TMEM176B: variants seen among roughly 807,000 people sequenced by gnomAD.
TMEM176B encodes the protein LR8-like protein.
TMEM176B carries 28 observed loss-of-function variants against 30.3 expected under a neutral mutation model. That is an observed-to-expected ratio of 0.92 (90% CI 0.68 to 1.27). The LOEUF (loss-of-function observed/expected upper bound fraction) is 1.27. TMEM176B is among the 50% of genes most tolerant of loss of function. TMEM176B has a pLI of 0.00. For synonymous variants in TMEM176B, 123 were observed against 130.3 expected (o/e 0.94, Z 0.38); for missense variants, 349 against 327.4 (o/e 1.07, Z -0.51).
Position 150,796,344 on chromosome 7 carries a change from C to A in TMEM176B, c.204+22G>T, listed in dbSNP as rs759471242. 5 of 1,611,114 alleles carry A rather than the reference C, an allele frequency of 3.1e-6. No homozygotes were observed. In the East Asian group the frequency reaches 1.1e-4, roughly 36 times the overall value. ...ATCACCTCGTTAACGTGCCCCCCAA[C>A]CCCGCACCACCCCAGTCTTACCCCT... On this transcript the variant is annotated intron_variant, in intron 2 of 6. Coordinates refer to ENST00000326442, the MANE Select transcript of TMEM176B (RefSeq NM_001101312.2).
chr7:150,794,946 CACCT>C (rs1354153715), intron 2 of TMEM176B, among the ~76,000 whole-genome samples: 1 of 131,858 alleles, frequency 7.6e-6, no homozygotes, highest in Non-Finnish European at 1.7e-5. Context: ...CACACACACA[CACCT>C]CTCGAATGGC....
rs766360661 is a variant in TMEM176B, at chr7:150,794,044, T to A, written c.232A>T (p.Ser78Cys). Residue 78 changes from serine (S) to cysteine (C), a missense_variant, in exon 3 of 7, where the codon AGT becomes TGT. Coordinates refer to ENST00000326442, the MANE Select transcript of TMEM176B (RefSeq NM_001101312.2). ...GVTQILLGVVSCVLGVCLSLG... is the reference protein window; with the variant it reads ...GVTQILLGVVCCVLGVCLSLG... The stretch of plus-strand genomic sequence containing the variant: ...CTGAGACACACTCCAAGAACACAAC[T>A]CACAACCCCCAGCAATATCTGAGTC... The A allele has an allele frequency of 1.2e-6, 2 of 1,613,578 alleles. No homozygotes were observed.
Position 150,796,523 on chromosome 7 carries a change from C to T in TMEM176B, c.47G>A (p.Arg16Lys). Reference protein sequence around the residue: ...VIVNGVAMASRPSQPTHVNVH... With the variant: ...VIVNGVAMASKPSQPTHVNVH... The stretch of plus-strand genomic sequence containing the variant: ...GTTGACGTGGGTGGGCTGGGATGGC[C>T]TAGAGGCCATAGCAACTCCATTCAC... The change falls in exon 2 of 7, where the codon AGG becomes AAG. Residue 16 changes from arginine (R) to lysine (K), a missense_variant. Transcript: ENST00000326442. 6.2e-7 allele frequency: 1 copy of T among 1,614,220 alleles called. No homozygotes were observed. The highest frequency in any genetic ancestry group is 1.1e-5 in the South Asian group (1 of 91,082).
chr7:150,800,822 A>C, upstream of TMEM176B: 3 of 668,660 alleles, frequency 4.5e-6, no homozygotes, highest in Non-Finnish European at 5.5e-6. Context: ...GGTCCCGAGG[A>C]GCGCAGGTGA....
chr7:150,792,705 G>C (rs189005506), intron 5 of TMEM176B, among the ~76,000 whole-genome samples: 2 of 152,274 alleles, frequency 1.3e-5, no homozygotes, highest in African/African-American at 4.8e-5. Context: ...GAAAACCCGT[G>C]AGTGAGAATG....
At chr7:150,801,022 G>A (rs942349337), upstream of TMEM176B, 3 of 984,900 alleles carry the variant, frequency 3.0e-6, no homozygotes, top group Non-Finnish European at 1.2e-6. Flanking sequence ...CCTTCACGGG[G>A]CAGGGGCGGC....
chr7:150,801,043 C>A (rs1798763592), upstream of TMEM176B: 1 of 962,416 alleles, frequency 1.0e-6, no homozygotes, highest in Non-Finnish European at 1.2e-6. Context: ...GTGAACCCGT[C>A]GGGCGTGAGC....
intron 3 of TMEM176B, among the ~76,000 whole-genome samples, 161 bp from the exon 4 acceptor site, chr7:150,793,761 C>T (rs1275126574): frequency 2.6e-5 from 4 of 152,184 alleles, no homozygotes; most frequent in African/African-American, 7.2e-5. Context: ...ATACCTGCCC[C>T]ACCCCTCCCA....
At chr7:150,793,387 T>C (rs10215382) in intron 4 of TMEM176B, 72 bp from the exon 5 acceptor site, 246,862 of 1,522,620 alleles carry the variant, frequency 0.16, 20,894 homozygotes, top group African/African-American at 0.18. Context: ...CCGCCTCAAA[T>C]CCCTCTCCTC....
At chr7:150,797,137 A>G (rs1233828889) in intron 1 of TMEM176B, among the ~76,000 whole-genome samples, 1 of 152,142 alleles carries the variant, frequency 6.6e-6, no homozygotes, top group Non-Finnish European at 1.5e-5. Context: ...TTTTCCCTCA[A>G]CCACCTATTT....
chr7:150,798,500 C>T (rs970072491), intron 1 of TMEM176B, among the ~76,000 whole-genome samples: 1 of 152,166 alleles, frequency 6.6e-6, no homozygotes, highest in Non-Finnish European at 1.5e-5. Flanking sequence ...TGGTCTCGAT[C>T]TCCTGACCTC....
In TMEM176B at chr7:150,793,265, A is replaced by G. The variant is rs200194595; in HGVS notation, c.423T>C (p.Ala141=). 6.2e-7 allele frequency: 1 copy of G among 1,614,230 alleles called. No homozygotes were observed. The highest frequency in any genetic ancestry group is 2.2e-5 in the East Asian group (1 of 44,888). The change falls in exon 5 of 7, where the codon GCT becomes GCC. Residue 141 remains alanine, a synonymous_variant. Transcript: ENST00000326442. ...AGCTATTCACGCAGAGGACAACAGC[A>G]GCCATAGCTGTAGCAAAGCCTGCCA... ...LTLAGFATAM[A]AVVLCVNSFI...
chr7:150,793,749 C>T, intron 3 of TMEM176B, 149 bp from the exon 4 acceptor site: 1 of 928,922 alleles, frequency 1.1e-6, no homozygotes, highest in Non-Finnish European at 1.7e-6. Context: ...AGGATTCCAC[C>T]TATACCTGCC....
chr7:150,792,118 C>A lies in TMEM176B; in HGVS notation c.658G>T (p.Val220Leu). The change falls in exon 6 of 7, where the codon GTG (valine) becomes TTG (leucine). Residue 220 changes from valine to leucine, a missense_variant. By Grantham distance (32) the Val-to-Leu change is conservative. Coordinates refer to ENST00000326442, the MANE Select transcript of TMEM176B (RefSeq NM_001101312.2). ...FLAVCVLKVI[V>L]SLVSLGVGLR... ...CCTACTCCCAAGGAAACCAAGGACACAATGACCTTCAAGACACAGACAGCC... is the reference window on the plus strand; with the variant it reads ...CCTACTCCCAAGGAAACCAAGGACAAAATGACCTTCAAGACACAGACAGCC... 1 of 1,614,006 alleles carries A rather than the reference C, an allele frequency of 6.2e-7. No individual in the cohort carries two copies. The highest frequency in any genetic ancestry group is 8.5e-7 in the Non-Finnish European group (1 of 1,179,956).
intron 1 of TMEM176B, among the ~76,000 whole-genome samples, chr7:150,797,872 A>G (rs1798586173): frequency 6.6e-6 from 1 of 152,160 alleles, no homozygotes; most frequent in African/African-American, 2.4e-5. Flanking sequence ...ATCCTTTTCC[A>G]TTACAGACAA....
chr7:150,798,539 T>C (rs973860318), intron 1 of TMEM176B, among the ~76,000 whole-genome samples: 4 of 152,126 alleles, frequency 2.6e-5, no homozygotes, highest in Middle Eastern at 3.2e-3. Flanking sequence ...CCTCCCAAAG[T>C]GCTGAGATTA....
rs1563030667 is a variant in TMEM176B, at chr7:150,793,168, T to C, written c.520A>G (p.Thr174Ala). The C allele has an allele frequency of 3.1e-6, 5 of 1,614,120 alleles. No individual in the cohort carries two copies. The highest frequency in any genetic ancestry group is 4.2e-6 in the Non-Finnish European group (5 of 1,180,022). ...CDRSDPVFPT[T>A]GYRWMRRSQE... ...CTTCGCCGCATCCATCTGTACCCAG[T>C]GGTAGGGAAGACAGGGTCTGAGCGA... The change falls in exon 5 of 7, where the codon ACT (threonine) becomes GCT (alanine). Residue 174 changes from threonine (T) to alanine (A), a missense_variant. Physicochemically the swap from Thr to Ala is moderately conservative, Grantham distance 58. Coordinates refer to ENST00000326442, the MANE Select transcript of TMEM176B (RefSeq NM_001101312.2).
At chr7:150,800,818 G>A (rs1798753221), upstream of TMEM176B, 12 of 661,410 alleles carry the variant, frequency 1.8e-5, 1 homozygote, top group South Asian at 6.1e-4. Context: ...CGCAGGTCCC[G>A]AGGAGCGCAG....
chr7:150,794,447 C>G (rs1012381201), intron 2 of TMEM176B, among the ~76,000 whole-genome samples: 12 of 152,010 alleles, frequency 7.9e-5, no homozygotes, highest in African/African-American at 2.7e-4. Flanking sequence ...GATCCAAACA[C>G]ACACTCTTGA....
Sources: allele counts gnomAD v4.1 joint callset (sites outside exome capture counted in the v4.1 genomes callset), GRCh38; gene constraint gnomAD v4.1.1; transcripts MANE v1.5; gene names NCBI Gene and HGNC (gene_info 2026-07-23, HGNC 2026-07-21).